Variants in SEMA6D observed in about 807,000 individuals in gnomAD.
SEMA6D encodes the protein semaphorin-6D.
A neutral mutation model predicts 106.6 loss-of-function variants in SEMA6D; 35 were observed. That is an observed-to-expected ratio of 0.33 (90% CI 0.25 to 0.44). The LOEUF (loss-of-function observed/expected upper bound fraction) is 0.44, where lower values mean the gene tolerates loss of function less well. SEMA6D is among the 20% of genes least tolerant of loss of function. The pLI, the probability that SEMA6D is intolerant of heterozygous loss-of-function variation, is 1.00. For synonymous variants in SEMA6D, 499 were observed against 487.7 expected, an observed-to-expected ratio of 1.02 and a Z score of -0.31; for missense variants, 1,185 against 1,345.9, an observed-to-expected ratio of 0.88 and a Z score of 1.87.
intron 4 of SEMA6D, among the ~76,000 whole-genome samples, chr15:47,633,989 T>C (rs527487324): frequency 6.6e-6 from 1 of 152,346 alleles, no homozygotes; most frequent in East Asian, 1.9e-4. Context: ...TTTAAAATAA[T>C]TTCTATTCCT....
chr15:47,493,326 C>T (rs143566735), intron 3 of SEMA6D, among the ~76,000 whole-genome samples: 1 of 152,300 alleles, frequency 6.6e-6, no homozygotes, highest in Non-Finnish European at 1.5e-5. Context: ...TTGTTAGCAA[C>T]TCTCACCTCT....
intron 1 of SEMA6D, among the ~76,000 whole-genome samples, chr15:47,385,437 G>C (rs1023651331): frequency 4.6e-5 from 7 of 152,070 alleles, no homozygotes; most frequent in African/African-American, 1.4e-4. Flanking sequence ...TAACCAAATT[G>C]CTATGTGAAT....
chr15:47,771,377 A>G lies in SEMA6D; in HGVS notation c.2814A>G (p.Arg938=). 1 of 1,614,016 alleles carries G rather than the reference A, an allele frequency of 6.2e-7. No individual in the cohort carries two copies. The highest frequency in any genetic ancestry group is 1.7e-5 in the Admixed American group (1 of 60,012). The change falls in exon 19 of 19, where the codon AGA becomes AGG. Residue 938 remains arginine (R), a synonymous_variant. Coordinates refer to ENST00000536845, the MANE Select transcript of SEMA6D (RefSeq NM_001358351.3). ...SLYSPPSTLP[R]NSPTKRVDVP... ...ACTCCCCTCCTTCAACTCTCCCCAGAAATAGCCCAACCAAGCGAGTGGATG... is the reference window on the plus strand; with the variant it reads ...ACTCCCCTCCTTCAACTCTCCCCAGGAATAGCCCAACCAAGCGAGTGGATG...
chr15:47,245,470 G>A (rs1211423331), intron 1 of SEMA6D, among the ~76,000 whole-genome samples: 4 of 152,172 alleles, frequency 2.6e-5, no homozygotes, highest in African/African-American at 9.7e-5. Context: ...GGCACAGTGA[G>A]GAAGAAATAG....
chr15:47,655,966 T>C (rs2077784939), intron 4 of SEMA6D, among the ~76,000 whole-genome samples: 1 of 152,274 alleles, frequency 6.6e-6, no homozygotes, highest in Admixed American at 6.5e-5. Context: ...TGCCTTTTTA[T>C]TTCAGCTCTA....
At position 47,764,769 on chromosome 15, in the gene SEMA6D, C is replaced by T; in HGVS notation, c.1229C>T (p.Pro410Leu). Residue 410 changes from proline to leucine, a missense_variant, in exon 12 of 19, where the codon CCC becomes CTC. By Grantham distance (98) the Pro-to-Leu change is moderately conservative (BLOSUM62 -3). Coordinates refer to ENST00000536845, the MANE Select transcript of SEMA6D (RefSeq NM_001358351.3). ...GCCGTTCCACCCATTGCCGATGAGC[C>T]CTGGTTCACAAAGACTCGGGTCAGG... ...DSAVPPIADE[P>L]WFTKTRVRYR... is the part of the protein sequence containing the mutation. 1.9e-6 allele frequency: 3 copies of T among 1,613,990 alleles called. No homozygotes were observed. The highest frequency in any genetic ancestry group is 1.7e-4 in the Middle Eastern group (1 of 6,054).
chr15:47,405,181 G>A (rs906627943), intron 1 of SEMA6D, among the ~76,000 whole-genome samples: 7 of 152,176 alleles, frequency 4.6e-5, no homozygotes, highest in African/African-American at 1.7e-4. Flanking sequence ...CTCTTCTGAG[G>A]AGCAGACATC....
chr15:47,540,159 CTTAA>C (rs1413526925), intron 3 of SEMA6D, among the ~76,000 whole-genome samples: 1 of 152,060 alleles, frequency 6.6e-6, no homozygotes, highest in East Asian at 1.9e-4. Flanking sequence ...ACTGTGAACA[CTTAA>C]TTAATTTAGA....
chr15:47,659,946 G>A lies in SEMA6D; in HGVS notation c.-55+59050G>A, dbSNP rs556841785. On this transcript the variant is annotated intron_variant, in intron 4 of 19. Transcript: ENST00000558014. Reference sequence around the variant, plus strand: ...TCCCTTCTTGAAGAGTAACTTAAGTGATACATATTAACTTTGATCATTACC... The same window carrying A: ...TCCCTTCTTGAAGAGTAACTTAAGTAATACATATTAACTTTGATCATTACC... Among the ~76,000 whole-genome samples, 16 of 152,082 alleles carry A rather than the reference G, an allele frequency of 1.1e-4. No individual in the cohort carries two copies. The South Asian group carries it at 3.3e-3, about 32-fold the overall frequency.
intron 1 of SEMA6D, among the ~76,000 whole-genome samples, chr15:47,244,845 C>T (rs568269350): frequency 1.2e-4 from 18 of 152,290 alleles, no homozygotes; most frequent in African/African-American, 4.1e-4. Flanking sequence ...CCTCTGCCCA[C>T]TCCCGTCATC....
At chr15:47,636,836 C>T (rs1360974982) in intron 4 of SEMA6D, among the ~76,000 whole-genome samples, 2 of 152,194 alleles carry the variant, frequency 1.3e-5, no homozygotes, top group African/African-American at 4.8e-5. Context: ...ATATTAATCT[C>T]ATATCAGTGT....
At chr15:47,271,474 G>A (rs2034561537) in intron 1 of SEMA6D, among the ~76,000 whole-genome samples, 2 of 152,110 alleles carry the variant, frequency 1.3e-5, no homozygotes, top group Non-Finnish European at 2.9e-5. Context: ...TGGGAACATA[G>A]GGCTCAGGTA....
chr15:47,562,144 A>G (rs565955382), intron 3 of SEMA6D, among the ~76,000 whole-genome samples: 1 of 152,204 alleles, frequency 6.6e-6, no homozygotes, highest in East Asian at 1.9e-4. Context: ...ATACCCACAC[A>G]TACATGGGCA....
intron 3 of SEMA6D, among the ~76,000 whole-genome samples, chr15:47,584,976 A>G (rs1217988941): frequency 2.0e-5 from 3 of 152,226 alleles, no homozygotes; most frequent in African/African-American, 7.2e-5. Flanking sequence ...TGATATTGAT[A>G]AGGCCCCACA....
intron 1 of SEMA6D, among the ~76,000 whole-genome samples, chr15:47,235,867 A>T (rs1021815239): frequency 1.3e-5 from 2 of 152,060 alleles, no homozygotes; most frequent in African/African-American, 4.8e-5. Context: ...GGTTGGATAA[A>T]TACTGGCCTT....
At chr15:47,454,599 G>GCACACGCA (rs1555442705) in intron 2 of SEMA6D, among the ~76,000 whole-genome samples, 63 of 148,990 alleles carry the variant, frequency 4.2e-4, no homozygotes, top group African/African-American at 1.6e-3. Flanking sequence ...TTGCACATGT[G>GCACACGCA]CACACACACA....
chr15:47,535,758 T>A (rs116685808), intron 3 of SEMA6D, among the ~76,000 whole-genome samples: 2,108 of 151,874 alleles, frequency 0.014, 50 homozygotes, highest in African/African-American at 0.049. Context: ...TAGCACAGGA[T>A]GAGAGATGCG....
At chr15:47,434,971 C>T (rs1483845585) in intron 2 of SEMA6D, among the ~76,000 whole-genome samples, 1 of 152,100 alleles carries the variant, frequency 6.6e-6, no homozygotes. Flanking sequence ...AGTTCTTTGA[C>T]AGCTTTCTCT....
intron 1 of SEMA6D, among the ~76,000 whole-genome samples, chr15:47,753,935 G>A (rs2081580361): frequency 6.6e-6 from 1 of 152,160 alleles, no homozygotes; most frequent in African/African-American, 2.4e-5. Context: ...AATCAACATG[G>A]TATCTCTCTG....
Sources: gnomAD v4.1 joint callset for allele counts (sites outside exome capture counted in the v4.1 genomes callset) on GRCh38, gnomAD v4.1.1 for gene constraint, MANE v1.5 for transcripts, NCBI Gene and HGNC (gene_info 2026-07-23, HGNC 2026-07-21) for gene names.